SCGN: variants seen among roughly 807,000 people sequenced by gnomAD.
SCGN encodes the protein secretagogin, EF-hand calcium binding protein, also known as secretagogin.
In SCGN, 30 loss-of-function variants were observed where a neutral mutation model predicts 39.7. That is an observed-to-expected ratio of 0.76 (90% CI 0.57 to 1.03). The LOEUF is 1.03. Among genes scored for constraint, SCGN ranks in the 50% least tolerant of loss-of-function variants. The probability of loss-of-function intolerance (pLI) is 0.00; values close to 1 mark genes in which losing one functional copy is unlikely to be tolerated. For synonymous variants in SCGN, 106 were observed against 114.1 expected (o/e 0.93, Z 0.45); for missense variants, 353 against 349.4 (o/e 1.01, Z -0.08).
At chr6:25,692,704 C>T (rs890908596) in intron 10 of SCGN, among the ~76,000 whole-genome samples, 8 of 152,180 alleles carry the variant, frequency 5.3e-5, no homozygotes, top group African/African-American at 1.9e-4. Context: ...TGGGAGGCAG[C>T]TGGGCTGGGC....
rs186298385 is a variant in SCGN at position 25,700,224 on chromosome 6, C to T, written c.703-983C>T. Among the ~76,000 whole-genome samples the T allele has an allele frequency of 9.4e-3, 1,167 of 123,702 alleles. 8 individuals are homozygous for T. The highest frequency in any genetic ancestry group is 0.014 in the Non-Finnish European group (867 of 62,726). 81.2% of individuals were successfully genotyped at this position (123,702 alleles called of 152,430 possible). ...CACTGCCACTGCACTCCAGCAGGGA[C>T]GGCTGCGACTTCGTCTCAAAAAAAA... On this transcript the variant is annotated intron_variant, in intron 10 of 10. Transcript: ENST00000377961.
intron 6 of SCGN, among the ~76,000 whole-genome samples, chr6:25,675,237 T>C (rs1282421471): frequency 1.3e-5 from 2 of 152,220 alleles, no homozygotes; most frequent in African/African-American, 4.8e-5. Flanking sequence ...CCCTGTTCTC[T>C]ATAACTAGTG....
intron 10 of SCGN, among the ~76,000 whole-genome samples, chr6:25,694,410 T>G (rs1759812954): frequency 6.6e-6 from 1 of 152,214 alleles, no homozygotes. Context: ...AAAAATTAGT[T>G]GGAAGCAGAG....
chr6:25,689,563 A>T (rs893681580), intron 9 of SCGN, 31 bp downstream of exon 9: 2 of 1,589,408 alleles, frequency 1.3e-6, no homozygotes, highest in Non-Finnish European at 1.7e-6. Flanking sequence ...TGTGCTGGCC[A>T]TCTCTGAGTA....
chr6:25,688,674 C>T (rs943601092), intron 7 of SCGN, among the ~76,000 whole-genome samples: 3 of 151,890 alleles, frequency 2.0e-5, no homozygotes, highest in East Asian at 1.9e-4. Flanking sequence ...TGGTGGCGGG[C>T]GCCTGTAGTC....
At chr6:25,655,990 A>G (rs928412735) in intron 2 of SCGN, among the ~76,000 whole-genome samples, 3 of 152,138 alleles carry the variant, frequency 2.0e-5, no homozygotes, top group Non-Finnish European at 4.4e-5. Flanking sequence ...CTGAGGCATT[A>G]CTCTGGGGAG....
chr6:25,685,023 T>A (rs1759686334), intron 7 of SCGN, among the ~76,000 whole-genome samples: 1 of 151,746 alleles, frequency 6.6e-6, no homozygotes, highest in South Asian at 2.1e-4. Context: ...AAGGTCAGAG[T>A]CACGGAGAGA....
intron 9 of SCGN, among the ~76,000 whole-genome samples, chr6:25,690,020 A>G (rs1759755972): frequency 1.3e-5 from 2 of 152,254 alleles, no homozygotes; most frequent in South Asian, 4.1e-4. Flanking sequence ...AGTATGATGT[A>G]AGAAGGAAGA....
At position 25,652,370 on chromosome 6, in the gene SCGN, T is replaced by A. The variant is rs749218798; in HGVS notation, c.-34T>A. The A allele has an allele frequency of 6.3e-7, 1 of 1,599,580 alleles. No homozygotes were observed. The highest frequency in any genetic ancestry group is 1.1e-5 in the South Asian group (1 of 90,636). On this transcript the variant is annotated 5_prime_UTR_variant, in exon 1 of 11. Coordinates refer to ENST00000377961, the MANE Select transcript of SCGN (RefSeq NM_006998.4). ...TCCTTCCCAAAGTTGTCTAGGTCCTTCCGCGCCGGTGCCTGGTCTTCGTCG... is the reference window on the plus strand; with the variant it reads ...TCCTTCCCAAAGTTGTCTAGGTCCTACCGCGCCGGTGCCTGGTCTTCGTCG...
chr6:25,691,490 A>AAAGATAAAAG (rs1759772814), intron 10 of SCGN, among the ~76,000 whole-genome samples: 1 of 152,174 alleles, frequency 6.6e-6, no homozygotes, highest in Non-Finnish European at 1.5e-5. Context: ...AATTTCACGT[A>AAAGATAAAAG]ATAAAACTTA....
At chr6:25,692,043 C>T (rs947523380) in intron 10 of SCGN, among the ~76,000 whole-genome samples, 3 of 152,280 alleles carry the variant, frequency 2.0e-5, no homozygotes, top group Non-Finnish European at 4.4e-5. Context: ...AGACATCGTC[C>T]GTGATTCCTT....
At chr6:25,669,656 AAG>A (rs1313043932) in intron 5 of SCGN, 89 bp downstream of exon 5, 14 of 1,088,294 alleles carry the variant, frequency 1.3e-5, no homozygotes, top group Non-Finnish European at 2.0e-5. Context: ...GGGCCCAAGA[AAG>A]ATGTATTTGA....
chr6:25,669,589 G>A, intron 5 of SCGN, 22 bp downstream of exon 5: 1 of 1,605,908 alleles, frequency 6.2e-7, no homozygotes, highest in Non-Finnish European at 8.5e-7. Flanking sequence ...TGGGTGAAGG[G>A]TGGGTTTGTT....
At chr6:25,683,416 T>A (rs1042048654) in intron 7 of SCGN, among the ~76,000 whole-genome samples, 11 of 152,290 alleles carry the variant, frequency 7.2e-5, no homozygotes, top group African/African-American at 2.6e-4. Flanking sequence ...GTTGTGCACG[T>A]CTCAGAGGTA....
intron 6 of SCGN, among the ~76,000 whole-genome samples, chr6:25,676,204 A>T (rs1269109433): frequency 6.6e-6 from 1 of 152,176 alleles, no homozygotes; most frequent in African/African-American, 2.4e-5. Context: ...ATTATTTCTC[A>T]ACTGAATTGC....
At chr6:25,662,628 C>T (rs980098225) in intron 3 of SCGN, among the ~76,000 whole-genome samples, 46 of 152,166 alleles carry the variant, frequency 3.0e-4, no homozygotes, top group African/African-American at 1.1e-3. Context: ...GTTAATAGGG[C>T]AGGATAATGT....
intron 2 of SCGN, among the ~76,000 whole-genome samples, chr6:25,660,836 G>A (rs9461189): frequency 0.29 from 43,917 of 152,140 alleles, 6,437 homozygotes; most frequent in African/African-American, 0.34. Flanking sequence ...GGGAGAATGA[G>A]TTTAGCATAA....
intron 10 of SCGN, among the ~76,000 whole-genome samples, chr6:25,694,969 C>T (rs1759820566): frequency 6.6e-6 from 1 of 152,208 alleles, no homozygotes; most frequent in African/African-American, 2.4e-5. Context: ...ACCATGGGAT[C>T]AGCAGGAAGC....
chr6:25,671,777 C>G (rs1426340233), intron 6 of SCGN, among the ~76,000 whole-genome samples: 1 of 151,884 alleles, frequency 6.6e-6, no homozygotes, highest in African/African-American at 2.4e-5. Flanking sequence ...TAGACAGAAA[C>G]TGCCTGGGGT....
Sources: allele counts gnomAD v4.1 joint callset (sites outside exome capture counted in the v4.1 genomes callset), GRCh38; gene constraint gnomAD v4.1.1; transcripts MANE v1.5; gene names NCBI Gene and HGNC (gene_info 2026-07-23, HGNC 2026-07-21).